DYNC1I1: variants seen among roughly 807,000 people sequenced by gnomAD.
The protein encoded by DYNC1I1 is dynein cytoplasmic 1 intermediate chain 1.
Under a neutral mutation model 86.6 loss-of-function variants are expected in DYNC1I1, and 43 were observed. The ratio of observed to expected loss-of-function variants is 0.50; its 90% CI spans 0.39 to 0.64. The LOEUF (loss-of-function observed/expected upper bound fraction) is 0.64, where lower values mean the gene tolerates loss of function less well. Ranked by LOEUF, DYNC1I1 falls within the 30% of genes least tolerant of loss-of-function variation. The pLI is 0.00. For missense variants in DYNC1I1, 604 were observed against 788.8 expected, an observed-to-expected ratio of 0.77 and a Z score of 2.81; for synonymous variants, 262 against 283.7, an observed-to-expected ratio of 0.92 and a Z score of 0.77.
intron 14 of DYNC1I1, among the ~76,000 whole-genome samples, chr7:96,064,675 TAG>T (rs2116189659): frequency 6.6e-6 from 1 of 151,820 alleles, no homozygotes; most frequent in African/African-American, 2.4e-5. Flanking sequence ...TTTGAGAGAG[TAG>T]AGGTTTGGTC....
At chr7:95,999,315 G>T (rs762122199) in intron 10 of DYNC1I1, among the ~76,000 whole-genome samples, 1 of 152,168 alleles carries the variant, frequency 6.6e-6, no homozygotes, top group African/African-American at 2.4e-5. Flanking sequence ...TAGAGTCTTA[G>T]CTTGGTCAGA....
intron 14 of DYNC1I1, among the ~76,000 whole-genome samples, chr7:96,046,447 A>G (rs764046935): frequency 7.9e-5 from 12 of 152,214 alleles, no homozygotes; most frequent in African/African-American, 2.4e-4. Flanking sequence ...AATGCTCACA[A>G]TAAACCTGTG....
intron 6 of DYNC1I1, among the ~76,000 whole-genome samples, chr7:95,965,524 T>C (rs997807439): frequency 3.3e-5 from 5 of 152,184 alleles, no homozygotes; most frequent in Admixed American, 3.3e-4. Context: ...ATTGCCATTA[T>C]CCAAGGAGAG....
At chr7:95,856,681 G>A (rs560437564) in intron 5 of DYNC1I1, among the ~76,000 whole-genome samples, 6 of 152,234 alleles carry the variant, frequency 3.9e-5, no homozygotes, top group South Asian at 4.2e-4. Flanking sequence ...TTCCAACCCA[G>A]GTTAAATTTG....
chr7:95,843,290 A>G (rs1199710848), intron 5 of DYNC1I1, among the ~76,000 whole-genome samples: 1 of 152,062 alleles, frequency 6.6e-6, no homozygotes, highest in Non-Finnish European at 1.5e-5. Context: ...TTTTGTGCAG[A>G]TTTCTTCTCT....
In DYNC1I1 at chr7:95,941,238, G is replaced by A. The variant is rs576503707; in HGVS notation, c.491-36274G>A. 7.1e-3 allele frequency among the ~76,000 whole-genome samples: 1,077 copies of A among 152,008 alleles called. 10 individuals carry two copies. The highest frequency in any genetic ancestry group is 0.025 in the African/African-American group (1,023 of 41,470). Reference sequence around the variant, plus strand: ...GGGGTGCCTCCCAGTTAGGCTGCTTGGGGGTCAGGGGTCAGGGACCCACTT... The same window carrying A: ...GGGGTGCCTCCCAGTTAGGCTGCTTAGGGGTCAGGGGTCAGGGACCCACTT... On this transcript the variant is annotated intron_variant, in intron 6 of 16. Coordinates refer to ENST00000447467, the MANE Select transcript of DYNC1I1 (RefSeq NM_001135556.2).
At chr7:96,071,540 T>C (rs1001923319) in intron 14 of DYNC1I1, among the ~76,000 whole-genome samples, 9 of 152,166 alleles carry the variant, frequency 5.9e-5, no homozygotes, top group African/African-American at 2.2e-4. Flanking sequence ...TCACCCAGAG[T>C]CATACAAACC....
chr7:95,980,045 C>T lies in DYNC1I1; in HGVS notation c.580+2444C>T, dbSNP rs147365717. Among the ~76,000 whole-genome samples, 1,140 of 152,210 alleles carry T rather than the reference C, an allele frequency of 7.5e-3. 16 individuals are homozygous for T. Among genetic ancestry groups the T allele is most frequent in the African/African-American group, 0.026 (1,082 of 41,528 alleles). On this transcript the variant is annotated intron_variant, in intron 7 of 16. Coordinates refer to ENST00000447467, the MANE Select transcript of DYNC1I1 (RefSeq NM_001135556.2). ...CTTGGCATGGATTCCCCATCACCACCACCCCAGCCCCAATCTCCAAGTCGT... is the reference window on the plus strand; with the variant it reads ...CTTGGCATGGATTCCCCATCACCACTACCCCAGCCCCAATCTCCAAGTCGT...
At chr7:96,019,383 T>C (rs904854758) in intron 10 of DYNC1I1, among the ~76,000 whole-genome samples, 14 of 152,108 alleles carry the variant, frequency 9.2e-5, no homozygotes, top group Non-Finnish European at 2.1e-4. Flanking sequence ...AGTGCTTTTT[T>C]TTTTTTATTC....
chr7:95,856,462 A>G (rs970396591), intron 5 of DYNC1I1, among the ~76,000 whole-genome samples: 13 of 152,206 alleles, frequency 8.5e-5, no homozygotes, highest in Middle Eastern at 3.2e-3. Context: ...AATGTACTAC[A>G]GACATTCCTT....
At chr7:96,066,245 A>C (rs118163970) in intron 14 of DYNC1I1, among the ~76,000 whole-genome samples, 2 of 152,096 alleles carry the variant, frequency 1.3e-5, no homozygotes, top group South Asian at 2.1e-4. Context: ...TTTCCTTACC[A>C]TCTGTCAAAG....
chr7:95,916,149 A>T (rs903967692), intron 6 of DYNC1I1, among the ~76,000 whole-genome samples: 3 of 152,220 alleles, frequency 2.0e-5, no homozygotes, highest in African/African-American at 7.2e-5. Context: ...TAAAATATTT[A>T]TTTAAAAGAA....
intron 2 of DYNC1I1, among the ~76,000 whole-genome samples, chr7:95,810,167 C>T (rs1016808620): frequency 5.9e-5 from 9 of 152,062 alleles, no homozygotes; most frequent in Admixed American, 1.3e-4. Flanking sequence ...TTTCATCCCA[C>T]GTGATAGAAG....
intron 14 of DYNC1I1, among the ~76,000 whole-genome samples, chr7:96,064,208 A>ATCTCTC (rs1341363966): frequency 1.6e-5 from 2 of 122,894 alleles, no homozygotes; most frequent in African/African-American, 7.0e-5. Context: ...AGAAATATTC[A>ATCTCTC]TATCTCTCTC....
In DYNC1I1 at chr7:95,915,537, G is replaced by A. The variant is rs565340317; in HGVS notation, c.490+45539G>A. 8.5e-5 allele frequency among the ~76,000 whole-genome samples: 13 copies of A among 152,204 alleles called. No individual in the cohort carries two copies. In the South Asian group the frequency reaches 2.7e-3, roughly 32 times the overall value. On this transcript the variant is annotated intron_variant, in intron 6 of 16. Transcript: ENST00000447467. ...AAGAGTTATGTCCTGATGGAGTGGG[G>A]TCAGATTAAATGATTCTCCTGTTCA...
At chr7:95,918,719 C>T (rs319329) in intron 6 of DYNC1I1, among the ~76,000 whole-genome samples, 1 of 152,022 alleles carries the variant, frequency 6.6e-6, no homozygotes, top group South Asian at 2.1e-4. Flanking sequence ...GGCCTTAAGG[C>T]GAAAATTTAT....
intron 6 of DYNC1I1, among the ~76,000 whole-genome samples, chr7:95,927,819 G>A (rs1480941162): frequency 6.6e-6 from 1 of 152,166 alleles, no homozygotes; most frequent in African/African-American, 2.4e-5. Context: ...CTTATTCACT[G>A]CCTTCTGAAG....
intron 16 of DYNC1I1, among the ~76,000 whole-genome samples, chr7:96,095,751 G>T (rs550945334): frequency 6.6e-6 from 1 of 152,018 alleles, no homozygotes; most frequent in Non-Finnish European, 1.5e-5. Flanking sequence ...ACCCTTAGTT[G>T]GTTATGGTTT....
At chr7:95,796,701 T>C (rs1794447158) in intron 1 of DYNC1I1, among the ~76,000 whole-genome samples, 1 of 152,098 alleles carries the variant, frequency 6.6e-6, no homozygotes. Context: ...TATAAACACT[T>C]AGCAAAATTT....
Sources: gnomAD v4.1 joint callset for allele counts (sites outside exome capture counted in the v4.1 genomes callset) on GRCh38, gnomAD v4.1.1 for gene constraint, MANE v1.5 for transcripts, NCBI Gene and HGNC (gene_info 2026-07-23, HGNC 2026-07-21) for gene names.